The following FAM117A variants were observed in gnomAD, a reference collection of about 807,000 sequenced individuals.
FAM117A encodes the protein family with sequence similarity 117 member A.
In FAM117A, 21 loss-of-function variants were observed where a neutral mutation model predicts 44.1. That is an observed-to-expected ratio of 0.48 (90% confidence interval 0.34 to 0.69). The LOEUF (loss-of-function observed/expected upper bound fraction) is 0.69. Ranked by LOEUF, FAM117A falls within the 30% of genes least tolerant of loss-of-function variation. The pLI is 0.01. For missense variants in FAM117A, 498 were observed against 589.9 expected (o/e 0.84, Z 1.61); for synonymous variants, 220 against 238.3 (o/e 0.92, Z 0.71).
chr17:49,763,877 C>T lies in FAM117A; in HGVS notation c.196+15G>A, dbSNP rs748078751. 322 of 1,226,470 alleles carry T rather than the reference C, an allele frequency of 2.6e-4. No individual in the cohort carries two copies. Among genetic ancestry groups the T allele is most frequent in the Non-Finnish European group, 3.2e-4 (315 of 984,406 alleles). 76.0% of individuals were successfully genotyped at this position (1,226,470 alleles called of 1,614,324 possible). A position where few individuals can be genotyped will look rare whatever the true frequency, so the allele number is the denominator to read the frequency against. On this transcript the variant is annotated intron_variant, in intron 1 of 7. Transcript: ENST00000240364. ...AATGGCTCCTTCCACGGCACCCGCT[C>T]CAGGCCCGGCTCACCTGCACGGCCA...
chr17:49,730,922 G>C (rs2073581968), intron 2 of FAM117A, among the ~76,000 whole-genome samples: 1 of 152,112 alleles, frequency 6.6e-6, no homozygotes, highest in South Asian at 2.1e-4. Context: ...TTTAAACTTT[G>C]CCAGATATTT....
chr17:49,746,301 G>T (rs2073654141), intron 1 of FAM117A, among the ~76,000 whole-genome samples: 1 of 151,816 alleles, frequency 6.6e-6, no homozygotes, highest in Non-Finnish European at 1.5e-5. Context: ...AAATAAAGTT[G>T]TAAGAAAAAA....
chr17:49,731,208 C>T (rs1567829220), intron 2 of FAM117A, among the ~76,000 whole-genome samples: 1 of 152,214 alleles, frequency 6.6e-6, no homozygotes, highest in Non-Finnish European at 1.5e-5. Flanking sequence ...GCAGACCACG[C>T]ACTCTCCACC....
At chr17:49,717,814 A>G in intron 5 of FAM117A, 100 bp from the exon 6 acceptor site, 3 of 955,730 alleles carry the variant, frequency 3.1e-6, no homozygotes, top group Non-Finnish European at 4.7e-6. Context: ...GTCATTCTCT[A>G]TCCATGACAC....
chr17:49,737,956 A>T (rs2073617909), intron 1 of FAM117A, among the ~76,000 whole-genome samples: 1 of 152,186 alleles, frequency 6.6e-6, no homozygotes, highest in South Asian at 2.1e-4. Flanking sequence ...AGACACCTGG[A>T]GGATGAATTG....
chr17:49,732,794 T>G (rs1440623562), intron 1 of FAM117A, 74 bp from the exon 2 acceptor site: 1 of 1,500,500 alleles, frequency 6.7e-7, no homozygotes, highest in African/African-American at 1.4e-5. Context: ...CTTCCTCTTC[T>G]AAGAGATGTG....
At chr17:49,770,334 T>C (rs546686790) in intron 1 of FAM117A, among the ~76,000 whole-genome samples, 3 of 146,594 alleles carry the variant, frequency 2.0e-5, no homozygotes, top group African/African-American at 7.4e-5. Context: ...AGGAACAAGC[T>C]ACTGATATTT....
At chr17:49,771,544 A>G (rs915201777) in intron 1 of FAM117A, among the ~76,000 whole-genome samples, 5 of 152,134 alleles carry the variant, frequency 3.3e-5, no homozygotes, top group African/African-American at 4.8e-5. Context: ...GAGAGCAGGT[A>G]TGTCTTGGTC....
intron 7 of FAM117A, among the ~76,000 whole-genome samples, chr17:49,712,552 A>C (rs1328456321): frequency 6.6e-6 from 1 of 152,164 alleles, no homozygotes; most frequent in Non-Finnish European, 1.5e-5. Flanking sequence ...TCTGTGGCCC[A>C]GGCTGGAGTG....
chr17:49,721,751 G>A (rs1467873285), intron 3 of FAM117A, among the ~76,000 whole-genome samples: 1 of 152,116 alleles, frequency 6.6e-6, no homozygotes, highest in African/African-American at 2.4e-5. Context: ...GGGAGGGCCA[G>A]GAAAAAGTGT....
At chr17:49,764,272 G>A, upstream of FAM117A, 1 of 359,506 alleles carries the variant, frequency 2.8e-6, no homozygotes, top group South Asian at 1.1e-4. Flanking sequence ...CTTTCCTGAG[G>A]ATGATTGGTC....
At chr17:49,765,654 T>G (rs939085131), upstream of FAM117A, 1 of 152,188 alleles carries the variant, frequency 6.6e-6, no homozygotes, top group Non-Finnish European at 1.5e-5. Context: ...ATTTGAACTG[T>G]TTTTTTAATT....
chr17:49,740,539 GCA>G (rs2073630317), intron 1 of FAM117A, among the ~76,000 whole-genome samples: 1 of 152,178 alleles, frequency 6.6e-6, no homozygotes, highest in Non-Finnish European at 1.5e-5. Flanking sequence ...GTGAGCCACT[GCA>G]CCCAGCCTGG....
At chr17:49,781,305 A>C (rs1233542818) in intron 1 of FAM117A, among the ~76,000 whole-genome samples, 6 of 152,238 alleles carry the variant, frequency 3.9e-5, no homozygotes, top group African/African-American at 1.4e-4. Flanking sequence ...CAGTAGAAAT[A>C]AAATCGAAAG....
At chr17:49,781,266 T>C (rs1398188410) in intron 1 of FAM117A, among the ~76,000 whole-genome samples, 2 of 152,116 alleles carry the variant, frequency 1.3e-5, no homozygotes, top group Non-Finnish European at 2.9e-5. Flanking sequence ...ACCTAGTAAA[T>C]AAACACATGA....
In FAM117A at chr17:49,747,139, G is replaced by GA. The variant is rs369797474; in HGVS notation, c.197-14420dup. On this transcript the variant is annotated intron_variant, in intron 1 of 7. Coordinates refer to ENST00000240364, the MANE Select transcript of FAM117A (RefSeq NM_030802.4). ...GCTATTACTTGGGGCAAGATAAGTA[G>GA]AAAAAAAAAAAGGCACAAATTCAAA... 1,247 of 144,022 alleles carry GA rather than the reference G, an allele frequency of 8.7e-3. 25 individuals are homozygous for GA. The highest frequency in any genetic ancestry group is 0.03 in the African/African-American group (1,177 of 39,642). 8.9% of individuals were successfully genotyped at this position (144,022 alleles called of 1,614,324 possible). A position where few individuals can be genotyped will look rare whatever the true frequency, so the allele number is the denominator to read the frequency against.
intron 7 of FAM117A, among the ~76,000 whole-genome samples, chr17:49,715,258 C>T (rs2073496764): frequency 6.6e-6 from 1 of 152,170 alleles, no homozygotes; most frequent in Non-Finnish European, 1.5e-5. Context: ...TTCTCTGTAA[C>T]TCCTACTGTG....
Position 49,740,235 on chromosome 17 carries a change from C to T in FAM117A, c.197-7515G>A, listed in dbSNP as rs75156179. On this transcript the variant is annotated intron_variant, in intron 1 of 7. Transcript: ENST00000240364. ...CCTGGCACACTGCAGCAGACTGATG[C>T]CTTTGGTAAGCAGATTTTTTTTTTT... Among the ~76,000 whole-genome samples the T allele has an allele frequency of 2.4e-4, 37 of 152,002 alleles. No homozygotes were observed. The East Asian group carries it at 7.1e-3, about 29-fold the overall frequency.
chr17:49,762,034 T>A (rs2073724300), intron 1 of FAM117A, among the ~76,000 whole-genome samples: 1 of 152,236 alleles, frequency 6.6e-6, no homozygotes, highest in Non-Finnish European at 1.5e-5. Flanking sequence ...CCTACATTTC[T>A]ACCAGTATCC....
Sources: allele counts gnomAD v4.1 joint callset (sites outside exome capture counted in the v4.1 genomes callset), GRCh38; gene constraint gnomAD v4.1.1; transcripts MANE v1.5; gene names NCBI Gene and HGNC (gene_info 2026-07-23, HGNC 2026-07-21).